Variants in SPATS2L observed in about 807,000 individuals in gnomAD.
SPATS2L encodes SPATS2-like protein.
Under a neutral mutation model 59.6 loss-of-function variants are expected in SPATS2L, and 30 were observed. The ratio of observed to expected loss-of-function variants is 0.50; its 90% CI spans 0.38 to 0.68. SPATS2L has a LOEUF of 0.68. Ranked by LOEUF, SPATS2L falls within the 30% of genes least tolerant of loss-of-function variation. The pLI is 0.00. For missense variants in SPATS2L, 615 were observed against 700.0 expected (o/e 0.88, Z 1.37); for synonymous variants, 252 against 263.5 (o/e 0.96, Z 0.42).
chr2:200,406,855 G>C (rs1309293499), intron 3 of SPATS2L, among the ~76,000 whole-genome samples: 2 of 152,180 alleles, frequency 1.3e-5, no homozygotes, highest in African/African-American at 4.8e-5. Flanking sequence ...AGAAGAGGGG[G>C]TAAAACCATG....
rs552491917 is a variant in SPATS2L at position 200,468,192 on chromosome 2, A to C, written c.957+793A>C. ...GGCCCAGAGAGGGTGTGACATCTTG[A>C]TCGCCAGACCCACCAAGACTGTGGA... On this transcript the variant is annotated intron_variant, in intron 10 of 12. Coordinates refer to ENST00000409140, the MANE Select transcript of SPATS2L (RefSeq NM_001100423.2). Among the ~76,000 whole-genome samples, 3 of 152,178 alleles carry C rather than the reference A, an allele frequency of 2.0e-5. No individual in the cohort carries two copies. In the South Asian group the frequency reaches 6.2e-4, roughly 32 times the overall value.
At chr2:200,415,144 T>TGAATTATATATATATATATA (rs1164198846) in intron 4 of SPATS2L, among the ~76,000 whole-genome samples, 60 of 152,296 alleles carry the variant, frequency 3.9e-4, no homozygotes, top group African/African-American at 1.4e-3. Context: ...ACCAACCCAG[T>TGAATTATATATATATATATA]TAATAAAAAG....
In SPATS2L at chr2:200,480,369, G is replaced by T. The variant is rs1285049100; in HGVS notation, c.*2338G>T. 1 of 112,510 alleles carries T rather than the reference G, an allele frequency of 8.9e-6. No individual in the cohort carries two copies. Among genetic ancestry groups the T allele is most frequent in the Non-Finnish European group, 1.8e-5 (1 of 56,866 alleles). The allele number at this position is 112,510 out of a possible 1,614,324, so 7.0% of individuals were successfully genotyped here. A position where few individuals can be genotyped will look rare whatever the true frequency, so the allele number is the denominator to read the frequency against. On this transcript the variant is annotated 3_prime_UTR_variant, in exon 13 of 13. Coordinates refer to ENST00000409140, the MANE Select transcript of SPATS2L (RefSeq NM_001100423.2). ...TTTTTTTTTTTTGAGACAGGGTCTTGCTCTATCACCTAGGCTGGAGTGCAT... is the reference window on the plus strand; with the variant it reads ...TTTTTTTTTTTTGAGACAGGGTCTTTCTCTATCACCTAGGCTGGAGTGCAT...
intron 2 of SPATS2L, among the ~76,000 whole-genome samples, chr2:200,361,093 A>T (rs1216206614): frequency 1.3e-5 from 1 of 79,302 alleles, no homozygotes; most frequent in Non-Finnish European, 2.6e-5. Flanking sequence ...CCCCACACAC[A>T]CACATCCCTA....
intron 1 of SPATS2L, among the ~76,000 whole-genome samples, chr2:200,320,484 G>C (rs865800412): frequency 2.6e-5 from 4 of 152,026 alleles, no homozygotes; most frequent in South Asian, 2.1e-4. Flanking sequence ...AGAATTGGTG[G>C]GGTGACAGGA....
intron 6 of SPATS2L, 126 bp from the exon 7 acceptor site, chr2:200,438,996 T>G: frequency 1.4e-6 from 1 of 696,742 alleles, no homozygotes; most frequent in Non-Finnish European, 2.5e-6. Flanking sequence ...GTTTCTTGAC[T>G]GTTTGCAATG....
intron 8 of SPATS2L, among the ~76,000 whole-genome samples, chr2:200,444,751 G>A (rs187332293): frequency 2.6e-5 from 4 of 152,230 alleles, no homozygotes; most frequent in Middle Eastern, 3.4e-3. Context: ...CCCTTCCTCT[G>A]CCAATTTTCC....
At chr2:200,371,996 C>T (rs758215239) in intron 2 of SPATS2L, 2 of 983,542 alleles carry the variant, frequency 2.0e-6, no homozygotes, top group Non-Finnish European at 2.4e-6. Flanking sequence ...AAGGCTCTTT[C>T]CATCACCATC....
intron 6 of SPATS2L, among the ~76,000 whole-genome samples, chr2:200,426,948 G>A (rs1299329657): frequency 6.6e-6 from 1 of 152,092 alleles, no homozygotes; most frequent in Non-Finnish European, 1.5e-5. Context: ...ACAGGATGTA[G>A]TGATAGGAGG....
At chr2:200,444,098 A>T (rs1209486711) in intron 8 of SPATS2L, among the ~76,000 whole-genome samples, 1 of 152,368 alleles carries the variant, frequency 6.6e-6, no homozygotes, top group East Asian at 1.9e-4. Context: ...CGACATGAGC[A>T]TCTGTGTGAA....
At chr2:200,378,631 T>G (rs1245159069) in intron 2 of SPATS2L, among the ~76,000 whole-genome samples, 1 of 152,332 alleles carries the variant, frequency 6.6e-6, no homozygotes, top group African/African-American at 2.4e-5. Flanking sequence ...ATTAAATGTT[T>G]ACTAGGAGTG....
chr2:200,350,893 T>C (rs1158912436), intron 2 of SPATS2L, among the ~76,000 whole-genome samples: 2 of 152,100 alleles, frequency 1.3e-5, no homozygotes, highest in Non-Finnish European at 2.9e-5. Flanking sequence ...TAGGGCTGAG[T>C]GTGGTTAATT....
At chr2:200,393,304 T>C in intron 3 of SPATS2L, 2 of 456,786 alleles carry the variant, frequency 4.4e-6, no homozygotes, top group South Asian at 1.5e-5. Flanking sequence ...TAGAGTGTCT[T>C]ATTCAAAACA....
chr2:200,324,873 C>T (rs1253852919), intron 1 of SPATS2L, among the ~76,000 whole-genome samples: 2 of 151,950 alleles, frequency 1.3e-5, no homozygotes, highest in Non-Finnish European at 2.9e-5. Flanking sequence ...GGGATTTGAC[C>T]TATATATTAA....
chr2:200,338,581 A>G (rs933904757), intron 2 of SPATS2L, among the ~76,000 whole-genome samples: 1 of 152,092 alleles, frequency 6.6e-6, no homozygotes, highest in Non-Finnish European at 1.5e-5. Context: ...AATTGATACA[A>G]CCTCCCCAAA....
chr2:200,308,750 A>G (rs1242847080), intron 1 of SPATS2L: 1 of 369,558 alleles, frequency 2.7e-6, no homozygotes, highest in Non-Finnish European at 4.9e-6. Context: ...CATCTGGGAA[A>G]AGACTGTATT....
At chr2:200,472,379 G>A (rs1004868379) in intron 11 of SPATS2L, among the ~76,000 whole-genome samples, 5 of 152,158 alleles carry the variant, frequency 3.3e-5, no homozygotes, top group Non-Finnish European at 7.3e-5. Flanking sequence ...TGTCCGCATA[G>A]CTCCCAATCT....
At chr2:200,345,484 A>C (rs997348399) in intron 2 of SPATS2L, among the ~76,000 whole-genome samples, 1 of 152,020 alleles carries the variant, frequency 6.6e-6, no homozygotes, top group African/African-American at 2.4e-5. Flanking sequence ...TCTATAGTAC[A>C]TTTGATTTAG....
At chr2:200,384,014 A>T (rs1259145782) in intron 2 of SPATS2L, 1 of 1,001,574 alleles carries the variant, frequency 1.0e-6, no homozygotes, top group Non-Finnish European at 1.2e-6. Context: ...AAGCGATTTG[A>T]TAGGTCAGTA....
Sources: allele counts gnomAD v4.1 joint callset (sites outside exome capture counted in the v4.1 genomes callset), GRCh38; gene constraint gnomAD v4.1.1; transcripts MANE v1.5; gene names NCBI Gene and HGNC (gene_info 2026-07-23, HGNC 2026-07-21).